The following SIPA1L1 variants were observed in gnomAD, a reference collection of about 807,000 sequenced individuals.
SIPA1L1 encodes the protein signal-induced proliferation-associated 1-like protein 1.
Under a neutral mutation model 162.7 loss-of-function variants are expected in SIPA1L1, and 26 were observed. That is an observed-to-expected ratio of 0.16 (90% CI 0.12 to 0.22). The LOEUF is 0.22. Among genes scored for constraint, SIPA1L1 ranks in the 10% least tolerant of loss-of-function variants. The pLI is 1.00. For synonymous variants in SIPA1L1, 829 were observed against 837.4 expected (o/e 0.99, Z 0.17); for missense variants, 1,874 against 2,241.0 (o/e 0.84, Z 3.31).
At chr14:71,705,107 T>C (rs1272073213) in intron 15 of SIPA1L1, 115 bp from the exon 16 acceptor site, 1 of 758,666 alleles carries the variant, frequency 1.3e-6, no homozygotes, top group Non-Finnish European at 2.3e-6. Context: ...ACTGCTGAAA[T>C]GCAGAGTTTG....
At chr14:71,423,393 C>T (rs1256465118) in intron 2 of SIPA1L1, among the ~76,000 whole-genome samples, 2 of 152,092 alleles carry the variant, frequency 1.3e-5, no homozygotes, top group African/African-American at 2.4e-5. Flanking sequence ...TCTAAGAAAA[C>T]ATTGCCAAAG....
At chr14:71,720,395 A>G (rs933369084) in intron 17 of SIPA1L1, among the ~76,000 whole-genome samples, 16 of 152,252 alleles carry the variant, frequency 1.1e-4, no homozygotes, top group African/African-American at 3.6e-4. Context: ...ATCCTGGCCA[A>G]CATCGTGAAA....
intron 4 of SIPA1L1, chr14:71,586,937 T>G (rs889679977): frequency 6.6e-6 from 1 of 152,142 alleles, no homozygotes; most frequent in African/African-American, 2.4e-5. Context: ...CGGTAAGTAA[T>G]AAAGTAGAGG....
chr14:71,476,441 A>G (rs1042916980), intron 2 of SIPA1L1, among the ~76,000 whole-genome samples: 6 of 152,170 alleles, frequency 3.9e-5, no homozygotes, highest in Non-Finnish European at 7.4e-5. Flanking sequence ...GTTTTGTGGT[A>G]TCTCTAAAAA....
In SIPA1L1 at chr14:71,588,995, C is replaced by T. The variant is rs771296407; in HGVS notation, c.1123C>T (p.Pro375Ser). The T allele has an allele frequency of 1.2e-6, 2 of 1,614,006 alleles. No homozygotes were observed. The highest frequency in any genetic ancestry group is 1.7e-5 in the Admixed American group (1 of 59,988). ...TGCCGTGGCATCCTTGGTCTCTGGA[C>T]CTCTGTCTCATTCAGCCAGTTTTAG... ...AAAVASLVSGPLSHSASFSSP... is the reference protein window; with the variant it reads ...AAAVASLVSGSLSHSASFSSP... The change falls in exon 5 of 24, where the codon CCT (proline) becomes TCT (serine). Residue 375 changes from proline (P) to serine (S), a missense_variant. Around this residue, in one of 5 missense-constraint regions of SIPA1L1, gnomAD observed 685 missense variants for 828.0 expected, o/e 0.83. Transcript: ENST00000381232. The surrounding 1 kb of genome is among the most constrained non-coding windows in gnomAD (Gnocchi z 4.3).
chr14:71,662,611 C>T (rs2043627734), intron 10 of SIPA1L1, among the ~76,000 whole-genome samples: 1 of 152,088 alleles, frequency 6.6e-6, no homozygotes. Flanking sequence ...GCTGCTATGC[C>T]GCCTCTCTTA....
intron 5 of SIPA1L1, among the ~76,000 whole-genome samples, chr14:71,617,403 C>T (rs1483115857): frequency 1.3e-5 from 2 of 152,202 alleles, no homozygotes; most frequent in Admixed American, 1.3e-4. Flanking sequence ...TGAGGATATG[C>T]ATAAGTGTCT....
rs558858630 is a variant in SIPA1L1, at chr14:71,565,498, G to T, written c.-302-22073G>T. 4.9e-4 allele frequency among the ~76,000 whole-genome samples: 74 copies of T among 152,264 alleles called. 3 individuals are homozygous for T. The South Asian group carries it at 0.015, about 31-fold the overall frequency. On this transcript the variant is annotated intron_variant, in intron 4 of 23. Transcript: ENST00000381232. The stretch of plus-strand genomic sequence containing the variant: ...TTAATTGCATTTCAAGAATAATTTT[G>T]AAAGTATAATATCTTTTCCACACTA...
At chr14:71,692,765 G>A (rs546724054) in intron 13 of SIPA1L1, among the ~76,000 whole-genome samples, 2 of 152,286 alleles carry the variant, frequency 1.3e-5, no homozygotes, top group South Asian at 4.1e-4. Flanking sequence ...CTTGGGCCTC[G>A]AAAGTAGCTA....
At position 71,624,111 on chromosome 14, in the gene SIPA1L1, G is replaced by A; in HGVS notation, c.1693G>A (p.Ala565Thr). 1.2e-6 allele frequency: 2 copies of A among 1,614,172 alleles called. No homozygotes were observed. The highest frequency in any genetic ancestry group is 1.7e-6 in the Non-Finnish European group (2 of 1,180,006). Residue 565 changes from alanine (A) to threonine (T), a missense_variant, in exon 7 of 24, where the codon GCC (alanine) becomes ACC (threonine). Coordinates refer to ENST00000381232, the MANE Select transcript of SIPA1L1 (RefSeq NM_001386936.1). Reference sequence around the variant, plus strand: ...TCCGTCGACAGCCAAGCACTCGACAGCCAGAGGCCTGCCTCTCAAAGAAGT... The same window carrying A: ...TCCGTCGACAGCCAAGCACTCGACAACCAGAGGCCTGCCTCTCAAAGAAGT... ...AIPSTAKHST[A>T]RGLPLKEVLE...
At chr14:71,503,264 A>G (rs947690502) in intron 2 of SIPA1L1, among the ~76,000 whole-genome samples, 20 of 152,228 alleles carry the variant, frequency 1.3e-4, no homozygotes, top group African/African-American at 4.6e-4. Context: ...GAAGGTCATG[A>G]TGGAATTTTC....
At chr14:71,738,870 C>A in intron 23 of SIPA1L1, 148 bp from the exon 24 acceptor site, 1 of 850,734 alleles carries the variant, frequency 1.2e-6, no homozygotes, top group Non-Finnish European at 1.8e-6. Context: ...GTCTTAGCAC[C>A]TGATACCAGT....
intron 2 of SIPA1L1, among the ~76,000 whole-genome samples, chr14:71,374,771 T>C (rs1290275022): frequency 6.6e-6 from 1 of 151,180 alleles, no homozygotes; most frequent in Admixed American, 6.6e-5. Flanking sequence ...TCCTATAGCC[T>C]GTAGTTTTCA....
intron 4 of SIPA1L1, among the ~76,000 whole-genome samples, chr14:71,535,816 A>G (rs2053846148): frequency 6.6e-6 from 1 of 151,876 alleles, no homozygotes; most frequent in Non-Finnish European, 1.5e-5. Flanking sequence ...CACCATGTTG[A>G]CCAGGCTGTT....
chr14:71,638,062 A>G (rs2041342772), intron 7 of SIPA1L1, among the ~76,000 whole-genome samples: 2 of 152,246 alleles, frequency 1.3e-5, no homozygotes, highest in Non-Finnish European at 2.9e-5. Flanking sequence ...AATTGAATTC[A>G]TAATTTTAAA....
chr14:71,360,801 G>A (rs1182214483), intron 2 of SIPA1L1, among the ~76,000 whole-genome samples: 1 of 152,158 alleles, frequency 6.6e-6, no homozygotes, highest in Non-Finnish European at 1.5e-5. Context: ...ATGAGGAAAT[G>A]TATCTACTTG....
chr14:71,716,170 T>C (rs550936310), intron 17 of SIPA1L1, among the ~76,000 whole-genome samples: 2 of 152,314 alleles, frequency 1.3e-5, no homozygotes, highest in East Asian at 1.9e-4. Flanking sequence ...TTGGAATTAG[T>C]GTCTTCTAAA....
rs1285697197 is a variant in SIPA1L1 at position 71,672,557 on chromosome 14, C to G, written c.3039C>G (p.Leu1013=). The G allele has an allele frequency of 1.9e-6, 3 of 1,614,156 alleles. No homozygotes were observed. The South Asian group carries it at 3.3e-5, about 18-fold the overall frequency. The change falls in exon 12 of 24, where the codon CTC becomes CTG. Residue 1013 remains leucine, a synonymous_variant. Transcript: ENST00000381232. ...ATLSHEQMID[L]LRTSVTVKVV... is the part of the protein sequence containing the mutation. ...TGAGCCATGAGCAGATGATCGACCT[C>G]CTGAGAACATCTGTCACGGTGAAGG... is the stretch of plus-strand genomic sequence containing the variant.
intron 4 of SIPA1L1, among the ~76,000 whole-genome samples, chr14:71,562,442 ATATGGAT>A (rs1371943907): frequency 6.6e-6 from 1 of 152,134 alleles, no homozygotes; most frequent in Non-Finnish European, 1.5e-5. Flanking sequence ...TGTTTTAGTT[ATATGGAT>A]TATTAACAGA....
Sources: allele counts gnomAD v4.1 joint callset (sites outside exome capture counted in the v4.1 genomes callset), GRCh38; gene constraint gnomAD v4.1.1; regional missense constraint gnomAD v4.1.1; non-coding constraint Gnocchi (gnomAD v3.1); transcripts MANE v1.5; gene names NCBI Gene and HGNC (gene_info 2026-07-23, HGNC 2026-07-21).